DOK5: variants seen among roughly 807,000 people sequenced by gnomAD.
DOK5 encodes downstream of tyrosine kinase 5.
DOK5 carries 27 observed loss-of-function variants against 43.3 expected under a neutral mutation model. That is an observed-to-expected ratio of 0.62 (90% CI 0.46 to 0.86). The LOEUF (loss-of-function observed/expected upper bound fraction) is 0.86, where lower values mean the gene tolerates loss of function less well. Ranked by LOEUF, DOK5 falls within the 40% of genes least tolerant of loss-of-function variation. The pLI, the probability that DOK5 is intolerant of heterozygous loss-of-function variation, is 0.00. For synonymous variants in DOK5, 146 were observed against 140.1 expected, an observed-to-expected ratio of 1.04 and a Z score of -0.30; for missense variants, 373 against 392.9, an observed-to-expected ratio of 0.95 and a Z score of 0.43.
At chr20:54,563,560 C>T (rs752030663) in intron 2 of DOK5, among the ~76,000 whole-genome samples, 7 of 152,048 alleles carry the variant, frequency 4.6e-5, no homozygotes, top group African/African-American at 1.7e-4. Flanking sequence ...CCTCTGTGCC[C>T]TTCCCCATAA....
intron 1 of DOK5, among the ~76,000 whole-genome samples, chr20:54,547,062 T>C (rs1392124610): frequency 6.6e-6 from 1 of 152,064 alleles, no homozygotes; most frequent in Non-Finnish European, 1.5e-5. Flanking sequence ...GCTTAAAGAG[T>C]TGAGAAATAC....
At chr20:54,615,307 C>CGCATTCTAATCTATGCA (rs1449641458) in intron 6 of DOK5, among the ~76,000 whole-genome samples, 1 of 152,132 alleles carries the variant, frequency 6.6e-6, no homozygotes, top group African/African-American at 2.4e-5. Flanking sequence ...CAAATACGCC[C>CGCATTCTAATCTATGCA]GCATTCTAAT....
At chr20:54,572,393 A>C (rs1985312165) in intron 2 of DOK5, among the ~76,000 whole-genome samples, 2 of 151,950 alleles carry the variant, frequency 1.3e-5, no homozygotes, top group African/African-American at 4.8e-5. Flanking sequence ...CGATCTCCTG[A>C]CCTCGTGATC....
chr20:54,505,158 G>GAT (rs1182133726), intron 1 of DOK5, among the ~76,000 whole-genome samples: 1 of 152,120 alleles, frequency 6.6e-6, no homozygotes, highest in Non-Finnish European at 1.5e-5. Flanking sequence ...TCCCTGCAAT[G>GAT]TAGGGATATT....
intron 1 of DOK5, among the ~76,000 whole-genome samples, chr20:54,515,296 A>G (rs984367625): frequency 6.6e-6 from 1 of 152,236 alleles, no homozygotes; most frequent in Admixed American, 6.5e-5. Context: ...TACAGGCATG[A>G]GCCACCGTGC....
At chr20:54,538,201 T>G (rs1056804942) in intron 1 of DOK5, among the ~76,000 whole-genome samples, 12 of 151,054 alleles carry the variant, frequency 7.9e-5, no homozygotes, top group Non-Finnish European at 1.6e-4. Flanking sequence ...GGTTTTATTA[T>G]GCACTTTTTT....
chr20:54,479,947 T>C (rs536214888), intron 1 of DOK5, among the ~76,000 whole-genome samples: 2 of 152,096 alleles, frequency 1.3e-5, no homozygotes, highest in East Asian at 3.9e-4. Context: ...ATCTTTGAAA[T>C]ATATCTAGAA....
intron 1 of DOK5, among the ~76,000 whole-genome samples, chr20:54,498,095 A>G (rs1429389689): frequency 6.6e-6 from 1 of 152,086 alleles, no homozygotes; most frequent in Non-Finnish European, 1.5e-5. Context: ...ATCTTTTGGG[A>G]CCTTGGAGAG....
chr20:54,587,880 T>C (rs145040506), intron 2 of DOK5, among the ~76,000 whole-genome samples: 1 of 152,222 alleles, frequency 6.6e-6, no homozygotes, highest in East Asian at 1.9e-4. Context: ...AGTGGGAAAA[T>C]ATTTGGAAAA....
chr20:54,637,775 A>G (rs780598698), intron 6 of DOK5, among the ~76,000 whole-genome samples: 3 of 152,220 alleles, frequency 2.0e-5, no homozygotes, highest in Non-Finnish European at 4.4e-5. Context: ...CACATTTGTT[A>G]AGCCTCTGAA....
At chr20:54,478,665 AGAG>A (rs1981536873) in intron 1 of DOK5, among the ~76,000 whole-genome samples, 1 of 152,232 alleles carries the variant, frequency 6.6e-6, no homozygotes, top group Non-Finnish European at 1.5e-5. Context: ...ATTTGGAGAA[AGAG>A]GAGAAGGGAA....
chr20:54,479,637 C>T (rs567280319), intron 1 of DOK5, among the ~76,000 whole-genome samples: 40 of 152,276 alleles, frequency 2.6e-4, no homozygotes, highest in African/African-American at 7.0e-4. Flanking sequence ...TATTTATCTA[C>T]GCACAATCCC....
At chr20:54,642,145 C>T (rs1462488995) in intron 6 of DOK5, among the ~76,000 whole-genome samples, 1 of 152,080 alleles carries the variant, frequency 6.6e-6, no homozygotes, top group Non-Finnish European at 1.5e-5. Context: ...TCCTTTTATT[C>T]TACCCATCCT....
In DOK5 at chr20:54,495,761, A is replaced by G. The variant is rs189525824; in HGVS notation, c.66+19749A>G. Among the ~76,000 whole-genome samples the G allele has an allele frequency of 4.5e-3, 682 of 152,268 alleles. 4 individuals carry two copies. The highest frequency in any genetic ancestry group is 0.016 in the African/African-American group (664 of 41,544). On this transcript the variant is annotated intron_variant, in intron 1 of 7. Transcript: ENST00000262593. Reference sequence around the variant, plus strand: ...GCCGGGTATGATGGTGGGTGCCTGTAATTCCAGCTACTTGGGAGGCTGAGG... The same window carrying G: ...GCCGGGTATGATGGTGGGTGCCTGTGATTCCAGCTACTTGGGAGGCTGAGG...
chr20:54,584,373 A>G (rs1985734414), intron 2 of DOK5, among the ~76,000 whole-genome samples: 1 of 151,608 alleles, frequency 6.6e-6, no homozygotes, highest in Non-Finnish European at 1.5e-5. Context: ...TGGGGCTTAT[A>G]TAACACATTT....
At chr20:54,573,721 T>C (rs1985368406) in intron 2 of DOK5, among the ~76,000 whole-genome samples, 1 of 147,952 alleles carries the variant, frequency 6.8e-6, no homozygotes. Context: ...GATAATAACG[T>C]TGGTTGTGCG....
At chr20:54,529,064 G>A (rs1170625383) in intron 1 of DOK5, among the ~76,000 whole-genome samples, 1 of 152,122 alleles carries the variant, frequency 6.6e-6, no homozygotes, top group Non-Finnish European at 1.5e-5. Context: ...AGACAACCAG[G>A]TGCATACACA....
intron 1 of DOK5, among the ~76,000 whole-genome samples, chr20:54,479,712 C>G (rs1408634024): frequency 6.6e-6 from 1 of 152,158 alleles, no homozygotes; most frequent in South Asian, 2.1e-4. Context: ...CAGCTTGGAC[C>G]TCTTTTCTGA....
At chr20:54,608,493 A>G (rs368888432) in intron 5 of DOK5, among the ~76,000 whole-genome samples, 8 of 152,162 alleles carry the variant, frequency 5.3e-5, no homozygotes, top group African/African-American at 1.9e-4. Context: ...GTATTTTAAG[A>G]TGTCTTCAGG....
Sources: allele counts gnomAD v4.1 joint callset (sites outside exome capture counted in the v4.1 genomes callset), GRCh38; gene constraint gnomAD v4.1.1; transcripts MANE v1.5; gene names NCBI Gene and HGNC (gene_info 2026-07-23, HGNC 2026-07-21).